Variants in TET3 observed in about 807,000 individuals in gnomAD.
TET3 encodes the protein methylcytosine dioxygenase TET3.
A neutral mutation model predicts 141.4 loss-of-function variants in TET3; 19 were observed. The observed-to-expected ratio is 0.13, with a 90% confidence interval of 0.09 to 0.20. The LOEUF is 0.20. TET3 is among the 10% of genes least tolerant of loss of function. TET3 has a pLI of 1.00. For missense variants in TET3, 1,874 were observed against 2,356.9 expected, an observed-to-expected ratio of 0.80 and a Z score of 4.24; for synonymous variants, 1,043 against 980.9, an observed-to-expected ratio of 1.06 and a Z score of -1.18.
rs976850981 is a variant in TET3, at chr2:74,102,831, T to C, written c.*655T>C. 2 of 152,120 alleles carry C rather than the reference T, an allele frequency of 1.3e-5. No homozygotes were observed. The highest frequency in any genetic ancestry group is 4.8e-5 in the African/African-American group (2 of 41,416). 9.4% of individuals were successfully genotyped at this position (152,120 alleles called of 1,614,324 possible). ...TCAGGACAGCTTCTGTCCTCTCTGA[T>C]AGGATGGGAGAGTCTGCAGAAAACC... On this transcript the variant is annotated 3_prime_UTR_variant, in exon 12 of 12. Coordinates refer to ENST00000409262, the MANE Select transcript of TET3 (RefSeq NM_001287491.2).
At position 74,087,695 on chromosome 2, in the gene TET3, T is replaced by C. The variant is rs1036878977; in HGVS notation, c.2680-135T>C. The C allele has an allele frequency of 4.3e-6, 3 of 704,416 alleles. No homozygotes were observed. The highest frequency in any genetic ancestry group is 4.4e-6 in the Non-Finnish European group (2 of 449,896). The allele number at this position is 704,416 out of a possible 1,614,324, so 43.6% of individuals were successfully genotyped here. A position where few individuals can be genotyped will look rare whatever the true frequency, so the allele number is the denominator to read the frequency against. On this transcript the variant is annotated intron_variant, in intron 6 of 11. Coordinates refer to ENST00000409262, the MANE Select transcript of TET3 (RefSeq NM_001287491.2). This position sits in a 1 kb window ranked among gnomAD's most constrained non-coding sequence, Gnocchi z 4.3. ...GGTCTCTTAGCTTGTAAGGTTGCTG[T>C]CTTCAGGGCATGACATCCCTAGAAC...
intron 4 of TET3, among the ~76,000 whole-genome samples, chr2:74,053,463 G>A (rs982752459): frequency 6.6e-6 from 1 of 152,230 alleles, no homozygotes; most frequent in East Asian, 1.9e-4. Context: ...GAAGGTATCT[G>A]TGTTAGTTTG....
intron 3 of TET3, among the ~76,000 whole-genome samples, chr2:74,013,760 C>G (rs752097100): frequency 6.6e-6 from 1 of 151,964 alleles, no homozygotes; most frequent in Non-Finnish European, 1.5e-5. Context: ...TGCAGTGAGC[C>G]GAGATCGCAC....
At chr2:74,084,492 G>A (rs1412013612) in intron 6 of TET3, among the ~76,000 whole-genome samples, 2 of 149,472 alleles carry the variant, frequency 1.3e-5, no homozygotes, top group Non-Finnish European at 3.0e-5. Context: ...TCGCTCTGTC[G>A]CCCAGGCTAG....
chr2:73,988,253 G>C (rs2105065723), intron 2 of TET3, among the ~76,000 whole-genome samples: 2 of 152,244 alleles, frequency 1.3e-5, no homozygotes. Flanking sequence ...CTGGTGCTTT[G>C]GTGTAGGGAG....
intron 3 of TET3, among the ~76,000 whole-genome samples, chr2:74,011,862 A>C: frequency 6.6e-6 from 1 of 150,490 alleles, no homozygotes; most frequent in Admixed American, 6.6e-5. Flanking sequence ...ACATAGCGAG[A>C]CCCTCATCTC....
chr2:73,989,478 G>A (rs568606049), intron 2 of TET3, among the ~76,000 whole-genome samples: 1 of 152,208 alleles, frequency 6.6e-6, no homozygotes, highest in South Asian at 2.1e-4. Context: ...CTGTAAGGAG[G>A]AGATTATCTT....
intron 5 of TET3, among the ~76,000 whole-genome samples, chr2:74,078,347 A>G (rs185339240): frequency 7.9e-4 from 120 of 152,352 alleles, no homozygotes; most frequent in African/African-American, 2.4e-3. Flanking sequence ...TTGTATATAT[A>G]CAGAGATAAA....
intron 3 of TET3, among the ~76,000 whole-genome samples, chr2:74,003,626 A>T (rs1684994718): frequency 6.6e-6 from 1 of 150,546 alleles, no homozygotes; most frequent in Admixed American, 6.6e-5. Flanking sequence ...ATAGGATGTC[A>T]TTAGTCATGC....
Position 74,093,419 on chromosome 2 carries a change from G to A in TET3, c.3130-110G>A. On this transcript the variant is annotated intron_variant, in intron 9 of 11. Transcript: ENST00000409262. The surrounding 1 kb of genome is among the most constrained non-coding windows in gnomAD (Gnocchi z 4.2). ...CTCCCTCCTGCAGTCGAAGGGCAAGGTGACTATCATCCTTAACATCCCTCC... is the reference window on the plus strand; with the variant it reads ...CTCCCTCCTGCAGTCGAAGGGCAAGATGACTATCATCCTTAACATCCCTCC... The A allele has an allele frequency of 2.1e-6, 3 of 1,401,830 alleles. No homozygotes were observed. In the South Asian group the frequency reaches 4.7e-5, roughly 22 times the overall value. The allele number at this position is 1,401,830 out of a possible 1,614,324, so 86.8% of individuals were successfully genotyped here. A position where few individuals can be genotyped will look rare whatever the true frequency, so the allele number is the denominator to read the frequency against.
intron 3 of TET3, among the ~76,000 whole-genome samples, chr2:74,017,890 C>T (rs1685817713): frequency 3.3e-5 from 5 of 151,952 alleles, no homozygotes; most frequent in Admixed American, 3.3e-4. Flanking sequence ...TCCGCATCCT[C>T]ACCATCATTT....
intron 3 of TET3, among the ~76,000 whole-genome samples, chr2:74,022,997 A>G (rs951755512): frequency 6.6e-6 from 1 of 151,984 alleles, no homozygotes; most frequent in Non-Finnish European, 1.5e-5. Flanking sequence ...GCTGGTCTTG[A>G]ACTCCTGACC....
At chr2:74,119,115 G>A in the TET3 span, among the ~76,000 whole-genome samples, 2 of 152,120 alleles carry the variant, frequency 1.3e-5, no homozygotes, top group African/African-American at 4.8e-5. Context: ...CAGCACTTTG[G>A]GAGGCTGAGG....
At chr2:74,029,277 T>A (rs928637223) in intron 3 of TET3, among the ~76,000 whole-genome samples, 1 of 152,200 alleles carries the variant, frequency 6.6e-6, no homozygotes, top group Non-Finnish European at 1.5e-5. Context: ...CATTCAGCCT[T>A]TAGTGCCAAG....
At chr2:74,074,972 G>A (rs532118338) in intron 5 of TET3, among the ~76,000 whole-genome samples, 51 of 152,120 alleles carry the variant, frequency 3.4e-4, no homozygotes, top group African/African-American at 1.0e-3. Flanking sequence ...CCAGGTTCAC[G>A]CCATTCTCCT....
the TET3 span, among the ~76,000 whole-genome samples, chr2:74,116,941 G>A: frequency 6.6e-6 from 1 of 152,030 alleles, no homozygotes; most frequent in Non-Finnish European, 1.5e-5. Context: ...GGGGCTGGCA[G>A]GGAAGAGAAG....
chr2:73,984,762 C>T (rs548101937), upstream of TET3, among the ~76,000 whole-genome samples: 1 of 149,802 alleles, frequency 6.7e-6, no homozygotes, highest in Non-Finnish European at 1.5e-5. The surrounding 1 kb of genome is among the most constrained non-coding windows in gnomAD (Gnocchi z 5.6). Flanking sequence ...GGCCGCCCAC[C>T]CGACCCCTCC....
rs1300871137 is a variant in TET3, at chr2:73,986,593, C to T, written c.190C>T (p.Arg64Trp). Reference protein sequence around the residue: ...RKRCGTCEPCRRLENCGACTS... With the variant: ...RKRCGTCEPCWRLENCGACTS... ...ACGGTGTGGTACTTGTGAGCCCTGC[C>T]GGCGGCTGGAAAACTGTGGCGCTTG... Residue 64 changes from arginine to tryptophan, a missense_variant, in exon 2 of 12, where the codon CGG (arginine) becomes TGG (tryptophan). Arg to Trp is a moderately radical substitution (Grantham distance 101, BLOSUM62 -3). Transcript: ENST00000409262. 1.6e-6 allele frequency: 2 copies of T among 1,232,044 alleles called. No individual in the cohort carries two copies. Among genetic ancestry groups the T allele is most frequent in the Non-Finnish European group, 1.0e-6 (1 of 988,008 alleles). The allele number at this position is 1,232,044 out of a possible 1,614,324, so 76.3% of individuals were successfully genotyped here. A position where few individuals can be genotyped will look rare whatever the true frequency, so the allele number is the denominator to read the frequency against.
At position 74,048,439 on chromosome 2, in the gene TET3, G is replaced by T. The variant is rs192047583; in HGVS notation, c.2494+28G>T. On this transcript the variant is annotated intron_variant, in intron 4 of 11. Coordinates refer to ENST00000409262, the MANE Select transcript of TET3 (RefSeq NM_001287491.2). ...AAGTCCGCCTGGGTATCAGGGAAGG[G>T]CAGAGAAAGGGCTGTGGCCTGGTGA... The T allele has an allele frequency of 4.6e-5, 73 of 1,574,610 alleles. 1 individual carries two copies. In the Admixed American group the frequency reaches 7.8e-4, roughly 17 times the overall value.
Sources: allele counts gnomAD v4.1 joint callset (sites outside exome capture counted in the v4.1 genomes callset), GRCh38; gene constraint gnomAD v4.1.1; non-coding constraint Gnocchi (gnomAD v3.1); transcripts MANE v1.5; gene names NCBI Gene and HGNC (gene_info 2026-07-23, HGNC 2026-07-21).